NR2C2: variants seen among roughly 807,000 people sequenced by gnomAD.
NR2C2 encodes the protein nuclear receptor subfamily 2 group C member 2.
In NR2C2, 6 loss-of-function variants were observed where a neutral mutation model predicts 62.9. The ratio of observed to expected loss-of-function variants is 0.10; its 90% CI spans 0.05 to 0.19. The LOEUF is 0.19. NR2C2 is among the 10% of genes least tolerant of loss of function. The pLI, the probability that NR2C2 is intolerant of heterozygous loss-of-function variation, is 1.00. For synonymous variants in NR2C2, 272 were observed against 273.8 expected (o/e 0.99, Z 0.07); for missense variants, 479 against 762.7 (o/e 0.63, Z 4.38).
chr3:14,988,234 T>C (rs1366371777), intron 1 of NR2C2, among the ~76,000 whole-genome samples: 2 of 152,246 alleles, frequency 1.3e-5, no homozygotes, highest in African/African-American at 4.8e-5. Flanking sequence ...AGCTTGGAGA[T>C]GGACCTCCAG....
intron 1 of NR2C2, among the ~76,000 whole-genome samples, chr3:14,954,314 A>G (rs924800826): frequency 6.6e-6 from 1 of 152,140 alleles, no homozygotes; most frequent in African/African-American, 2.4e-5. Flanking sequence ...GAAATAAACA[A>G]TGTACTTTCT....
chr3:14,971,411 CCT>C (rs2040037171), intron 1 of NR2C2, among the ~76,000 whole-genome samples: 2 of 151,698 alleles, frequency 1.3e-5, no homozygotes, highest in Non-Finnish European at 2.9e-5. Context: ...AGCCACCGTG[CCT>C]AGTCTTACAT....
chr3:15,005,368 CTTTTTTTTTTTTTT>C (rs761731325), intron 2 of NR2C2, among the ~76,000 whole-genome samples: 1 of 83,056 alleles, frequency 1.2e-5, no homozygotes, highest in Non-Finnish European at 2.2e-5. Context: ...ACGCATAATG[CTTTTTTTTTTTTTT>C]TTTTTTTTTT....
At chr3:15,023,543 T>G (rs1449592386) in intron 6 of NR2C2, among the ~76,000 whole-genome samples, 196 bp downstream of exon 6, 1 of 152,150 alleles carries the variant, frequency 6.6e-6, no homozygotes, top group Non-Finnish European at 1.5e-5. Context: ...TATGAAGGGG[T>G]CAGAAATTCT....
In NR2C2 at chr3:15,032,411, C is replaced by T. The variant is rs755964944; in HGVS notation, c.1143C>T (p.Leu381=). The change falls in exon 10 of 14, where the codon CTC becomes CTT. Residue 381 remains leucine (L), a synonymous_variant. Coordinates refer to ENST00000425241, the MANE Select transcript of NR2C2 (RefSeq NM_001291694.2). The part of the protein sequence containing the change: ...LTMPSPMPEY[L]NVHYICESAS... ...TGCCCAGTCCAATGCCAGAGTACCTCAACGTGCACTACATCTGTGAGTCTG... is the reference window on the plus strand; with the variant it reads ...TGCCCAGTCCAATGCCAGAGTACCTTAACGTGCACTACATCTGTGAGTCTG... 5 of 1,614,100 alleles carry T rather than the reference C, an allele frequency of 3.1e-6. No homozygotes were observed. Among genetic ancestry groups the T allele is most frequent in the Non-Finnish European group, 4.2e-6 (5 of 1,180,038 alleles).
chr3:15,022,398 CTTTTTTT>C (rs71038450), intron 5 of NR2C2, among the ~76,000 whole-genome samples: 1 of 89,142 alleles, frequency 1.1e-5, no homozygotes, highest in Admixed American at 1.4e-4. Context: ...CTTTTTCTTT[CTTTTTTT>C]TTTTTTTTTT....
chr3:15,038,357 G>A (rs550097116), intron 12 of NR2C2: 12 of 429,982 alleles, frequency 2.8e-5, no homozygotes, highest in Admixed American at 1.2e-4. Context: ...ATGATGTCAC[G>A]CACTGAATAG....
intron 12 of NR2C2, 134 bp downstream of exon 12, chr3:15,038,271 T>G: frequency 3.3e-6 from 3 of 920,806 alleles, no homozygotes; most frequent in Non-Finnish European, 4.7e-6. Context: ...TTATGATAGG[T>G]GTTTTGCTAG....
chr3:14,961,188 C>A (rs1271494331), intron 1 of NR2C2, among the ~76,000 whole-genome samples: 1 of 152,118 alleles, frequency 6.6e-6, no homozygotes, highest in Non-Finnish European at 1.5e-5. Context: ...CCTCCTGTTT[C>A]TTTCTCTTAG....
rs575030838 is a variant in NR2C2 at position 14,963,086 on chromosome 3, A to G, written c.-40+15180A>G. 2.8e-4 allele frequency among the ~76,000 whole-genome samples: 42 copies of G among 152,292 alleles called. No homozygotes were observed. In the South Asian group the frequency reaches 8.7e-3, roughly 32 times the overall value. ...CAGACCCAAGTAAGTGGGGTGGGGAACTTTGTGGTAGATTCTGGGGAGAGC... is the reference window on the plus strand; with the variant it reads ...CAGACCCAAGTAAGTGGGGTGGGGAGCTTTGTGGTAGATTCTGGGGAGAGC... On this transcript the variant is annotated intron_variant, in intron 1 of 13. Transcript: ENST00000425241.
chr3:14,991,768 CTT>C (rs763730063), intron 1 of NR2C2, among the ~76,000 whole-genome samples: 8 of 100,432 alleles, frequency 8.0e-5, no homozygotes, highest in Non-Finnish European at 1.3e-4. Context: ...TTTTCTTTTT[CTT>C]TTTTTTTTTT....
chr3:15,032,295 AG>A, intron 9 of NR2C2, 83 bp from the exon 10 acceptor site: 9 of 1,584,656 alleles, frequency 5.7e-6, no homozygotes, highest in Non-Finnish European at 6.1e-6. Flanking sequence ...CTGCTATTGA[AG>A]CATGACAGGG....
chr3:15,032,973 C>T (rs942451045), intron 10 of NR2C2, among the ~76,000 whole-genome samples: 1 of 149,916 alleles, frequency 6.7e-6, no homozygotes, highest in Non-Finnish European at 1.5e-5. Flanking sequence ...AACCCCCCCC[C>T]CTTTTCTTGC....
In NR2C2 at chr3:15,030,299, A is replaced by C; in HGVS notation, c.957A>C (p.Ala319=). 6.2e-7 allele frequency: 1 copy of C among 1,611,324 alleles called. No homozygotes were observed. Among genetic ancestry groups the C allele is most frequent in the South Asian group, 1.1e-5 (1 of 90,464 alleles). Reference sequence around the variant, plus strand: ...GGGCATTTGATACCTTAGCTAAAGCACTTAATACCACAGACAGCTCCTCTT... The same window carrying C: ...GGGCATTTGATACCTTAGCTAAAGCCCTTAATACCACAGACAGCTCCTCTT... ...ITRAFDTLAK[A]LNTTDSSSSP... Residue 319 remains alanine, a synonymous_variant, in exon 9 of 14, where the codon GCA becomes GCC. Coordinates refer to ENST00000425241, the MANE Select transcript of NR2C2 (RefSeq NM_001291694.2).
intron 1 of NR2C2, among the ~76,000 whole-genome samples, chr3:14,973,737 A>G (rs2040118934): frequency 6.6e-6 from 1 of 152,148 alleles, no homozygotes; most frequent in Non-Finnish European, 1.5e-5. Flanking sequence ...CATTTGACAT[A>G]TATTCACAGA....
At chr3:14,984,154 C>T (rs989073963) in intron 1 of NR2C2, among the ~76,000 whole-genome samples, 12 of 152,192 alleles carry the variant, frequency 7.9e-5, no homozygotes, top group African/African-American at 2.9e-4. Context: ...TCCCAAAGTG[C>T]TGGGATTACA....
chr3:14,952,657 C>T (rs866274869), intron 1 of NR2C2, among the ~76,000 whole-genome samples: 1 of 152,142 alleles, frequency 6.6e-6, no homozygotes, highest in South Asian at 2.1e-4. Context: ...TTAATGGATA[C>T]ATTTGTGCTC....
intron 1 of NR2C2, among the ~76,000 whole-genome samples, chr3:14,949,466 T>C (rs992358916): frequency 6.6e-6 from 1 of 152,214 alleles, no homozygotes; most frequent in Non-Finnish European, 1.5e-5. Flanking sequence ...TATCCCACTT[T>C]GTTTCCAAGC....
intron 3 of NR2C2, among the ~76,000 whole-genome samples, chr3:15,014,657 C>A (rs1270926314): frequency 6.6e-6 from 1 of 152,108 alleles, no homozygotes; most frequent in Non-Finnish European, 1.5e-5. Flanking sequence ...TCCTCTCCCC[C>A]TCCCCCAGCC....
Sources: gnomAD v4.1 joint callset for allele counts (sites outside exome capture counted in the v4.1 genomes callset) on GRCh38, gnomAD v4.1.1 for gene constraint, MANE v1.5 for transcripts, NCBI Gene and HGNC (gene_info 2026-07-23, HGNC 2026-07-21) for gene names.